The following CLIC5 variants were observed in gnomAD, a reference collection of about 807,000 sequenced individuals.
The protein encoded by CLIC5 is CLIC family member 5.
Under a neutral mutation model 24.7 loss-of-function variants are expected in CLIC5, and 20 were observed. The ratio of observed to expected loss-of-function variants is 0.81; its 90% CI spans 0.57 to 1.18. CLIC5 has a LOEUF of 1.18. CLIC5 is among the 50% of genes most tolerant of loss of function. The probability of loss-of-function intolerance (pLI) is 0.00; values close to 1 mark genes in which losing one functional copy is unlikely to be tolerated. For missense variants in CLIC5, 341 were observed against 326.1 expected, an observed-to-expected ratio of 1.05 and a Z score of -0.35; for synonymous variants, 159 against 135.6, an observed-to-expected ratio of 1.17 and a Z score of -1.20.
chr6:46,027,868 T>G lies in CLIC5; in HGVS notation c.540+51835A>C, dbSNP rs1202756166. ...AAGGCTGATATTTTAGCTAAGTGAT[T>G]TTATGCTTTTTAAAAAAATTGCATT... On this transcript the variant is annotated intron_variant, in intron 1 of 5. Transcript: ENST00000185206. 1.1e-4 allele frequency among the ~76,000 whole-genome samples: 16 copies of G among 152,202 alleles called. 1 individual carries two copies. The highest frequency in any genetic ancestry group is 1.0e-3 in the Admixed American group (16 of 15,280).
intron 1 of CLIC5, among the ~76,000 whole-genome samples, chr6:45,967,793 G>C (rs1765066924): frequency 6.6e-6 from 1 of 151,230 alleles, no homozygotes; most frequent in South Asian, 2.1e-4. Context: ...AGGGGCAAGA[G>C]AGAGAGAGAG....
At chr6:46,066,581 G>A (rs1762450153) in intron 1 of CLIC5, among the ~76,000 whole-genome samples, 1 of 152,000 alleles carries the variant, frequency 6.6e-6, no homozygotes, top group African/African-American at 2.4e-5. Flanking sequence ...ACATATTTAT[G>A]AGCCCTGACT....
chr6:45,928,192 T>G (rs575917588), intron 4 of CLIC5, among the ~76,000 whole-genome samples: 1 of 152,320 alleles, frequency 6.6e-6, no homozygotes, highest in South Asian at 2.1e-4. Flanking sequence ...TCTAAACTGC[T>G]GATAAAGTCA....
chr6:45,955,259 A>G lies in CLIC5; in HGVS notation c.64-15T>C. The G allele has an allele frequency of 6.2e-7, 1 of 1,603,806 alleles. No homozygotes were observed. Among genetic ancestry groups the G allele is most frequent in the Non-Finnish European group, 8.5e-7 (1 of 1,171,126 alleles). ...TCGATTCCAGCCTGGAAAGAAGAGA[A>G]CCAGTGTCCTGAGTGGGCAGGTGCA... On this transcript the variant is annotated splice_polypyrimidine_tract_variant and intron_variant, in intron 1 of 5. Transcript: ENST00000339561.
At chr6:46,079,763 A>G (rs777288535) in exon 1 of CLIC5, 2 of 1,551,916 alleles carry the variant, frequency 1.3e-6, no homozygotes, top group Admixed American at 2.0e-5. Flanking sequence ...CCAAACCTTC[A>G]GCATCAGAAT....
At chr6:45,972,858 A>T (rs752506071) in intron 1 of CLIC5, among the ~76,000 whole-genome samples, 1 of 152,178 alleles carries the variant, frequency 6.6e-6, no homozygotes, top group Non-Finnish European at 1.5e-5. Context: ...GCACATCCAG[A>T]TTTCACATAA....
At chr6:45,916,427 G>T (rs1763034681) in intron 4 of CLIC5, among the ~76,000 whole-genome samples, 1 of 152,158 alleles carries the variant, frequency 6.6e-6, no homozygotes, top group Non-Finnish European at 1.5e-5. Context: ...TTATTTGTTT[G>T]CTTGCTCAAT....
intron 1 of CLIC5, among the ~76,000 whole-genome samples, chr6:45,979,951 C>CTTTTTTTTTTTTTTTTTT (rs3997321): frequency 1.1e-5 from 1 of 95,060 alleles, no homozygotes; most frequent in Non-Finnish European, 2.0e-5. Context: ...GACTTAGTCA[C>CTTTTTTTTTTTTTTTTTT]TTTTTTTTTT....
At chr6:46,059,640 G>A (rs1762184738) in intron 1 of CLIC5, among the ~76,000 whole-genome samples, 1 of 152,158 alleles carries the variant, frequency 6.6e-6, no homozygotes, top group African/African-American at 2.4e-5. Flanking sequence ...CCTGTGAAGT[G>A]GGCATTAATG....
intron 1 of CLIC5, among the ~76,000 whole-genome samples, chr6:46,045,715 A>G (rs536436297): frequency 1.3e-5 from 2 of 152,190 alleles, no homozygotes; most frequent in African/African-American, 2.4e-5. Context: ...TTAAACAACT[A>G]TACCTACTTT....
the CLIC5 span, among the ~76,000 whole-genome samples, chr6:46,124,561 C>A: frequency 6.6e-6 from 1 of 152,144 alleles, no homozygotes; most frequent in African/African-American, 2.4e-5. Flanking sequence ...GCAACAAAAG[C>A]CAAAATTGAC....
chr6:46,002,249 G>T (rs75497396), intron 1 of CLIC5, among the ~76,000 whole-genome samples: 8 of 79,442 alleles, frequency 1.0e-4, no homozygotes, highest in South Asian at 4.7e-4. Context: ...AATTTTTTTT[G>T]TTGTTGTTGT....
chr6:45,935,631 T>C (rs1224357313), intron 4 of CLIC5, among the ~76,000 whole-genome samples: 6 of 152,244 alleles, frequency 3.9e-5, no homozygotes, highest in African/African-American at 1.4e-4. Context: ...AATGCAGTGC[T>C]GCTTTCTCCC....
chr6:45,999,661 T>C (rs764916664), intron 1 of CLIC5, among the ~76,000 whole-genome samples: 4 of 151,852 alleles, frequency 2.6e-5, no homozygotes, highest in Admixed American at 6.6e-5. Context: ...AATGTGAAGA[T>C]GAGGAGGATG....
downstream of CLIC5, among the ~76,000 whole-genome samples, chr6:45,894,848 C>T (rs6458475): frequency 0.52 from 78,971 of 151,918 alleles, 21,302 homozygotes; most frequent in African/African-American, 0.67. Flanking sequence ...CAATTATTGT[C>T]GAGCAAGCTG....
rs748296109 is a variant in CLIC5 at position 45,941,605 on chromosome 6, G to A, written c.348C>T (p.Ile116=). ...AKHRESNTAG[I]DIFSKFSAYI... ...AGGCAGAAAACTTGGAAAAGATGTC[G>A]ATGCCCGCTGTGTTGGATTCCCGGT... is the stretch of plus-strand genomic sequence containing the variant. Residue 116 remains isoleucine, a synonymous_variant, in exon 4 of 6, where the codon ATC becomes ATT. Transcript: ENST00000339561. 2.6e-5 allele frequency: 42 copies of A among 1,613,818 alleles called. No homozygotes were observed. Among genetic ancestry groups the A allele is most frequent in the Non-Finnish European group, 3.5e-5 (41 of 1,179,922 alleles).
chr6:46,021,027 T>G (rs956791010), intron 1 of CLIC5, among the ~76,000 whole-genome samples: 2 of 134,684 alleles, frequency 1.5e-5, no homozygotes, highest in Non-Finnish European at 3.0e-5. Context: ...TCTCTTCCAG[T>G]AATGAGAAGA....
chr6:45,909,564 G>C (rs1762756909), intron 5 of CLIC5, among the ~76,000 whole-genome samples: 1 of 152,150 alleles, frequency 6.6e-6, no homozygotes, highest in African/African-American at 2.4e-5. Context: ...TGAAGCTCTT[G>C]GTTGGAATTT....
At chr6:45,940,277 T>A (rs1389344737) in intron 4 of CLIC5, among the ~76,000 whole-genome samples, 1 of 152,234 alleles carries the variant, frequency 6.6e-6, no homozygotes, top group African/African-American at 2.4e-5. Context: ...TTCTTTTACC[T>A]GCAGTTAATC....
Sources: gnomAD v4.1 joint callset for allele counts (sites outside exome capture counted in the v4.1 genomes callset) on GRCh38, gnomAD v4.1.1 for gene constraint, MANE v1.5 for transcripts, NCBI Gene and HGNC (gene_info 2026-07-23, HGNC 2026-07-21) for gene names.